SAMMSON: variants seen among roughly 807,000 people sequenced by gnomAD.
SAMMSON encodes the protein long intergenic non-protein coding RNA 1212.
At chr3:70,153,996 C>G (rs750523128) in intron 4 of SAMMSON, among the ~76,000 whole-genome samples, 10 of 151,844 alleles carry the variant, frequency 6.6e-5, no homozygotes, top group Non-Finnish European at 1.5e-4. Flanking sequence ...AGCATAATGT[C>G]TTGAAGTTTC....
intron 6 of SAMMSON, among the ~76,000 whole-genome samples, chr3:70,271,261 C>A (rs1701973728): frequency 6.6e-6 from 1 of 152,112 alleles, no homozygotes; most frequent in South Asian, 2.1e-4. Flanking sequence ...ATGACCAGGA[C>A]TAGGCAGGTA....
rs142708712 is a variant in SAMMSON, at chr3:70,037,433, C to T, written n.417+23761C>T. On this transcript the variant is annotated intron_variant and non_coding_transcript_variant, in intron 3 of 9. Transcript: ENST00000642114. ...TGGTTCATAACTCAATCTCCTCCTC[C>T]GCCCCGACTACTTTTATCTCCAGTG... Among the ~76,000 whole-genome samples the T allele has an allele frequency of 2.5e-3, 387 of 152,174 alleles. 1 individual carries two copies. Among genetic ancestry groups the T allele is most frequent in the African/African-American group, 8.9e-3 (368 of 41,526 alleles).
At chr3:70,217,847 T>C (rs907690691) in intron 4 of SAMMSON, among the ~76,000 whole-genome samples, 1 of 152,134 alleles carries the variant, frequency 6.6e-6, no homozygotes, top group Admixed American at 6.6e-5. Flanking sequence ...GGTGACATAC[T>C]GTTGGATGGA....
At chr3:70,401,764 A>G (rs892814935) in intron 2 of SAMMSON, among the ~76,000 whole-genome samples, 3 of 152,184 alleles carry the variant, frequency 2.0e-5, no homozygotes, top group Admixed American at 1.3e-4. Flanking sequence ...AAGCAATTTT[A>G]TTAGCAAAAA....
chr3:70,357,387 T>C (rs1702837151), intron 8 of SAMMSON, among the ~76,000 whole-genome samples: 1 of 152,194 alleles, frequency 6.6e-6, no homozygotes, highest in Non-Finnish European at 1.5e-5. Context: ...TTTACTAACA[T>C]AGTGCTTTTA....
chr3:70,128,211 T>C (rs1285026046), intron 4 of SAMMSON, among the ~76,000 whole-genome samples: 1 of 152,188 alleles, frequency 6.6e-6, no homozygotes, highest in Admixed American at 6.6e-5. Context: ...TCACTCCATC[T>C]AAGACTGTCT....
At chr3:70,055,236 A>T (rs569812329) in intron 3 of SAMMSON, among the ~76,000 whole-genome samples, 1 of 152,158 alleles carries the variant, frequency 6.6e-6, no homozygotes, top group South Asian at 2.1e-4. Flanking sequence ...ATGGAGGAAT[A>T]TATACATATT....
intron 6 of SAMMSON, among the ~76,000 whole-genome samples, chr3:70,289,989 T>C (rs1385128986): frequency 6.6e-6 from 1 of 152,140 alleles, no homozygotes; most frequent in East Asian, 1.9e-4. Context: ...TTTCAACTTC[T>C]TTGCCTTTGG....
intron 6 of SAMMSON, among the ~76,000 whole-genome samples, chr3:70,260,336 T>C (rs1701853540): frequency 6.6e-6 from 1 of 152,144 alleles, no homozygotes. Flanking sequence ...TCATATTGGA[T>C]TTAGGGGCCC....
chr3:70,358,585 T>C (rs1319625381), intron 9 of SAMMSON, among the ~76,000 whole-genome samples: 1 of 152,150 alleles, frequency 6.6e-6, no homozygotes, highest in African/African-American at 2.4e-5. Context: ...AGAAGTGGCA[T>C]ATAGGAGTTG....
At chr3:70,274,730 A>C (rs1024827795) in intron 6 of SAMMSON, among the ~76,000 whole-genome samples, 2 of 152,198 alleles carry the variant, frequency 1.3e-5, no homozygotes, top group Non-Finnish European at 2.9e-5. Flanking sequence ...AAACCTGCAC[A>C]TCCTGCACAT....
intron 6 of SAMMSON, among the ~76,000 whole-genome samples, chr3:70,271,386 A>G (rs947391229): frequency 2.6e-5 from 4 of 152,192 alleles, no homozygotes; most frequent in East Asian, 1.9e-4. Flanking sequence ...TGGAACTCCA[A>G]TGGTTCCAGC....
intron 7 of SAMMSON, among the ~76,000 whole-genome samples, chr3:70,331,293 G>A (rs543364114): frequency 6.6e-6 from 1 of 152,144 alleles, no homozygotes; most frequent in African/African-American, 2.4e-5. Flanking sequence ...ACTTCGTCCC[G>A]TGAAGTAATT....
At chr3:70,394,479 T>C (rs1030572710), downstream of SAMMSON, among the ~76,000 whole-genome samples, 22 of 152,080 alleles carry the variant, frequency 1.4e-4, no homozygotes, top group Admixed American at 1.2e-3. Context: ...AGAGAAGCTC[T>C]ACAATGAAAA....
chr3:70,060,480 C>G (rs1345968735), intron 3 of SAMMSON, among the ~76,000 whole-genome samples: 1 of 152,072 alleles, frequency 6.6e-6, no homozygotes, highest in Non-Finnish European at 1.5e-5. Context: ...AGTCAGGAAC[C>G]AATTTTTATT....
chr3:70,306,415 A>G (rs1702401049), intron 7 of SAMMSON, among the ~76,000 whole-genome samples: 1 of 152,154 alleles, frequency 6.6e-6, no homozygotes, highest in Non-Finnish European at 1.5e-5. Context: ...CCGGCCAATA[A>G]TCGTTTTTAT....
rs532706881 is a variant in SAMMSON, at chr3:70,273,753, T to C, written n.675-17426T>C. Among the ~76,000 whole-genome samples the C allele has an allele frequency of 7.2e-5, 11 of 152,312 alleles. No homozygotes were observed. The East Asian group carries it at 2.1e-3, about 29-fold the overall frequency. Reference sequence around the variant, plus strand: ...TTTTAAAGAGTAGCTTTTTCAGATTTGTTTAGCAGTCAAATGTAGAAAGAG... The same window carrying C: ...TTTTAAAGAGTAGCTTTTTCAGATTCGTTTAGCAGTCAAATGTAGAAAGAG... On this transcript the variant is annotated intron_variant and non_coding_transcript_variant, in intron 6 of 9. Transcript: ENST00000642114.
chr3:70,377,709 GAA>G (rs1230555614), intron 9 of SAMMSON, among the ~76,000 whole-genome samples: 4 of 151,994 alleles, frequency 2.6e-5, no homozygotes, highest in African/African-American at 9.7e-5. Flanking sequence ...TAGGCTGCAA[GAA>G]AAAGTTACAA....
chr3:70,384,425 A>G (rs1266211694), intron 9 of SAMMSON, among the ~76,000 whole-genome samples: 1 of 152,014 alleles, frequency 6.6e-6, no homozygotes, highest in Non-Finnish European at 1.5e-5. Flanking sequence ...GGAATCAGAG[A>G]GGTAAATATA....
Sources: allele counts gnomAD v4.1 joint callset (sites outside exome capture counted in the v4.1 genomes callset), GRCh38; gene constraint gnomAD v4.1.1; transcripts MANE v1.5; gene names NCBI Gene and HGNC (gene_info 2026-07-23, HGNC 2026-07-21).